Variants in ATP1A2 observed in about 807,000 individuals in gnomAD.
The protein encoded by ATP1A2 is sodium/potassium-transporting ATPase subunit alpha-2.
In ATP1A2, 56 loss-of-function variants were observed where a neutral mutation model predicts 113.1. The observed-to-expected ratio is 0.49, with a 90% CI of 0.40 to 0.62. The LOEUF (loss-of-function observed/expected upper bound fraction) is 0.62, where lower values mean the gene tolerates loss of function less well. Among genes scored for constraint, ATP1A2 ranks in the 20% least tolerant of loss-of-function variants. The probability of loss-of-function intolerance (pLI) is 0.00; values close to 1 mark genes in which losing one functional copy is unlikely to be tolerated. For synonymous variants in ATP1A2, 490 were observed against 526.8 expected, an observed-to-expected ratio of 0.93 and a Z score of 0.96; for missense variants, 712 against 1,357.8, an observed-to-expected ratio of 0.52 and a Z score of 7.47.
rs764755889 is a variant in ATP1A2 at position 160,120,913 on chromosome 1, G to A, written c.20G>A (p.Arg7His). Residue 7 changes from arginine (R) to histidine (H), a missense_variant, in exon 2 of 23, where the codon CGT becomes CAT. Around this residue, in one of 6 missense-constraint regions of ATP1A2, gnomAD observed 109 missense variants for 162.3 expected, o/e 0.67. Coordinates refer to ENST00000361216, the MANE Select transcript of ATP1A2 (RefSeq NM_000702.4). Reference sequence around the variant, plus strand: ...TCTCCCTTCCTCCCTCAGGCTGGCCGTGAGTACTCACCTGCCGCCACCACG... The same window carrying A: ...TCTCCCTTCCTCCCTCAGGCTGGCCATGAGTACTCACCTGCCGCCACCACG... MGRGAG[R>H]EYSPAATTAE... 8 of 1,593,408 alleles carry A rather than the reference G, an allele frequency of 5.0e-6. No homozygotes were observed. The highest frequency in any genetic ancestry group is 1.1e-5 in the South Asian group (1 of 88,328).
intron 4 of ATP1A2, 61 bp downstream of exon 4, chr1:160,123,477 A>C: frequency 1.9e-6 from 3 of 1,598,252 alleles, no homozygotes; most frequent in Non-Finnish European, 2.6e-6. Flanking sequence ...TGAACCCCCA[A>C]CACAGTGGGG....
intron 12 of ATP1A2, 47 bp downstream of exon 12, chr1:160,130,338 T>C: frequency 6.2e-7 from 1 of 1,614,020 alleles, no homozygotes. Flanking sequence ...CCCAAGCCTC[T>C]GCGGCATCCC....
chr1:160,128,922 G>T, intron 9 of ATP1A2, 58 bp from the exon 10 acceptor site: 3 of 1,602,122 alleles, frequency 1.9e-6, no homozygotes, highest in Non-Finnish European at 1.7e-6. Context: ...GGGGTGAGTG[G>T]TTGAGATAAA....
At chr1:160,122,005 A>G (rs9660305) in intron 3 of ATP1A2, among the ~76,000 whole-genome samples, 28,551 of 152,070 alleles carry the variant, frequency 0.19, 2,958 homozygotes, top group South Asian at 0.32. Flanking sequence ...AGTGATGGGC[A>G]CCTGTAATCC....
chr1:160,126,706 A>G (rs1373558482), intron 7 of ATP1A2, among the ~76,000 whole-genome samples: 3 of 152,154 alleles, frequency 2.0e-5, no homozygotes, highest in African/African-American at 2.4e-5. Context: ...CCTGGGCTCA[A>G]GTGATCCTCC....
chr1:160,130,743 A>C, intron 13 of ATP1A2, 146 bp downstream of exon 13: 1 of 1,185,866 alleles, frequency 8.4e-7, no homozygotes, highest in Non-Finnish European at 1.2e-6. Context: ...CTGCAAGGAA[A>C]GGCCCACCCC....
At position 160,135,334 on chromosome 1, in the gene ATP1A2, C is replaced by A. The variant is rs766139169; in HGVS notation, c.2115+39C>A. The A allele has an allele frequency of 1.2e-6, 2 of 1,614,058 alleles. No individual in the cohort carries two copies. Among genetic ancestry groups the A allele is most frequent in the South Asian group, 2.2e-5 (2 of 91,074 alleles). Reference sequence around the variant, plus strand: ...CGGGAGGCAGATGACAGGCAGGGACCGGGGAGGCAGGGACAGGGCCAAGAC... The same window carrying A: ...CGGGAGGCAGATGACAGGCAGGGACAGGGGAGGCAGGGACAGGGCCAAGAC... On this transcript the variant is annotated intron_variant, in intron 15 of 22. Coordinates refer to ENST00000361216, the MANE Select transcript of ATP1A2 (RefSeq NM_000702.4). This position sits in a 1 kb window ranked among gnomAD's most constrained non-coding sequence, Gnocchi z 6.3.
intron 22 of ATP1A2, among the ~76,000 whole-genome samples, chr1:160,140,944 G>C (rs139380039): frequency 0.028 from 3,754 of 136,294 alleles, 156 homozygotes; most frequent in African/African-American, 0.095. Context: ...CTCACTGCAA[G>C]CTCCGCCTCC....
chr1:160,140,354 C>A (rs1038796273), intron 22 of ATP1A2, among the ~76,000 whole-genome samples: 1 of 152,164 alleles, frequency 6.6e-6, no homozygotes, highest in Non-Finnish European at 1.5e-5. Context: ...AATAGCAGGA[C>A]TGGTACTAGA....
intron 1 of ATP1A2, among the ~76,000 whole-genome samples, chr1:160,116,089 C>G (rs909738295): frequency 2.6e-5 from 4 of 152,094 alleles, no homozygotes; most frequent in African/African-American, 9.7e-5. Flanking sequence ...CGCCCCAGCC[C>G]CCTGCCCACA....
chr1:160,122,695 C>T lies in ATP1A2; in HGVS notation c.178-518C>T, dbSNP rs188519738. Among the ~76,000 whole-genome samples the T allele has an allele frequency of 2.6e-4, 40 of 152,204 alleles. No homozygotes were observed. The East Asian group carries it at 6.6e-3, about 25-fold the overall frequency. The stretch of plus-strand genomic sequence containing the variant: ...GACTTGAGCAGGGTGTGGAGGTGCC[C>T]ACCTGTAGTCTCAGCTACTTGGGAG... On this transcript the variant is annotated intron_variant, in intron 3 of 22. Coordinates refer to ENST00000361216, the MANE Select transcript of ATP1A2 (RefSeq NM_000702.4).
chr1:160,120,202 C>T (rs78443443), intron 1 of ATP1A2, among the ~76,000 whole-genome samples: 26,331 of 152,106 alleles, frequency 0.17, 2,468 homozygotes, highest in South Asian at 0.32. Context: ...GAGTTGCCTC[C>T]CGTCTAGTAA....
intron 7 of ATP1A2, among the ~76,000 whole-genome samples, chr1:160,127,176 G>GA (rs1355333090): frequency 6.6e-6 from 1 of 152,176 alleles, no homozygotes. Context: ...AGACTGGATG[G>GA]AAAATCCATA....
chr1:160,137,093 C>T (rs1651978282), intron 20 of ATP1A2, 62 bp downstream of exon 20: 1 of 1,612,602 alleles, frequency 6.2e-7, no homozygotes, highest in Non-Finnish European at 8.5e-7. Flanking sequence ...CCAACCCACA[C>T]AGGCCAAGCT....
At chr1:160,126,374 G>T (rs956892474) in intron 7 of ATP1A2, among the ~76,000 whole-genome samples, 1 of 151,564 alleles carries the variant, frequency 6.6e-6, no homozygotes, top group Admixed American at 6.6e-5. Flanking sequence ...AAATATTTTC[G>T]ATCTGAGGTT....
rs1232422175 is a variant in ATP1A2, at chr1:160,129,977, C to T, written c.1462-125C>T. 4 of 1,261,280 alleles carry T rather than the reference C, an allele frequency of 3.2e-6. No homozygotes were observed. In the African/African-American group the frequency reaches 4.4e-5, roughly 14 times the overall value. 78.1% of individuals were successfully genotyped at this position (1,261,280 alleles called of 1,614,324 possible). A position where few individuals can be genotyped will look rare whatever the true frequency, so the allele number is the denominator to read the frequency against. ...ACACCCCCCTGCACAAGGAGATTCTCTTTGTTGACAATCTTTGATGGGTTG... is the reference window on the plus strand; with the variant it reads ...ACACCCCCCTGCACAAGGAGATTCTTTTTGTTGACAATCTTTGATGGGTTG... On this transcript the variant is annotated intron_variant, in intron 11 of 22. Coordinates refer to ENST00000361216, the MANE Select transcript of ATP1A2 (RefSeq NM_000702.4).
In ATP1A2 at chr1:160,140,785, C is replaced by T. The variant is rs529495740; in HGVS notation, c.3035-509C>T. 6 of 186,080 alleles carry T rather than the reference C, an allele frequency of 3.2e-5. No individual in the cohort carries two copies. In the South Asian group the frequency reaches 6.6e-4, roughly 20 times the overall value. 11.5% of individuals were successfully genotyped at this position (186,080 alleles called of 1,614,324 possible). ...AAGTCTCCCCTAAAGGCAGGTTCAC[C>T]CTCCCTTCCTTTAACCTATGGCCCC... On this transcript the variant is annotated intron_variant, in intron 22 of 22. Transcript: ENST00000361216.
In ATP1A2 at chr1:160,138,102, T is replaced by TA. The variant is rs538094060; in HGVS notation, c.2840+1072dup. ...CATAGTGGCTGCATCCAGCCCATCT[T>TA]AGAGGCAAATGGGAAAAATGGCAAA... On this transcript the variant is annotated intron_variant, in intron 20 of 22. Transcript: ENST00000361216. Among the ~76,000 whole-genome samples the TA allele has an allele frequency of 1.9e-3, 289 of 152,276 alleles. 1 individual carries two copies. Among genetic ancestry groups the TA allele is most frequent in the African/African-American group, 6.7e-3 (277 of 41,552 alleles).
chr1:160,133,404 G>T (rs1651827822), intron 13 of ATP1A2, among the ~76,000 whole-genome samples: 1 of 152,054 alleles, frequency 6.6e-6, no homozygotes, highest in Admixed American at 6.5e-5. Flanking sequence ...CATAGGACTT[G>T]CCCTGCAAGC....
Sources: gnomAD v4.1 joint callset for allele counts (sites outside exome capture counted in the v4.1 genomes callset) on GRCh38, gnomAD v4.1.1 for gene constraint, gnomAD v4.1.1 regional missense constraint, Gnocchi (gnomAD v3.1) non-coding constraint, MANE v1.5 for transcripts, NCBI Gene and HGNC (gene_info 2026-07-23, HGNC 2026-07-21) for gene names.